The following HDAC4 variants were observed in gnomAD, a reference collection of about 807,000 sequenced individuals.
HDAC4 encodes histone deacetylase A.
In HDAC4, 16 loss-of-function variants were observed where a neutral mutation model predicts 135.1. The observed-to-expected ratio is 0.12, with a 90% confidence interval of 0.08 to 0.18. HDAC4 has a LOEUF of 0.18. Among genes scored for constraint, HDAC4 ranks in the 10% least tolerant of loss-of-function variants. HDAC4 has a pLI of 1.00. For synonymous variants in HDAC4, 685 were observed against 653.4 expected (o/e 1.05, Z -0.74); for missense variants, 1,143 against 1,511.8 (o/e 0.76, Z 4.05).
intron 2 of HDAC4, among the ~76,000 whole-genome samples, chr2:239,311,311 T>A (rs1171740921): frequency 1.3e-5 from 2 of 152,066 alleles, no homozygotes; most frequent in Admixed American, 1.3e-4. Flanking sequence ...CACTGAGATG[T>A]GTGGCACAAG....
intron 2 of HDAC4, among the ~76,000 whole-genome samples, chr2:239,269,464 C>T (rs1191943586): frequency 6.6e-6 from 1 of 152,332 alleles, no homozygotes; most frequent in Non-Finnish European, 1.5e-5. Context: ...GCAGGTGTCA[C>T]CTCAACACCT....
chr2:239,053,670 G>GA (rs2031264219), intron 25 of HDAC4, 69 bp from the exon 26 acceptor site: 2 of 1,387,212 alleles, frequency 1.4e-6, no homozygotes, highest in African/African-American at 2.8e-5. Context: ...GGCCCGGGAA[G>GA]GTCCTGCGGG....
rs913951819 is a variant in HDAC4, at chr2:239,309,103, C to G, written c.22+43575G>C. Reference sequence around the variant, plus strand: ...GTGCTTTACCTTCAGCCCAGACTTTCGCTTAATCCCGGAAACTGCTCCAAA... The same window carrying G: ...GTGCTTTACCTTCAGCCCAGACTTTGGCTTAATCCCGGAAACTGCTCCAAA... On this transcript the variant is annotated intron_variant, in intron 2 of 26. Coordinates refer to ENST00000543185, the MANE Select transcript of HDAC4 (RefSeq NM_001378414.1). This position sits in a 1 kb window ranked among gnomAD's most constrained non-coding sequence, Gnocchi z 4.2. 1.3e-5 allele frequency: 2 copies of G among 152,178 alleles called. No homozygotes were observed. Among genetic ancestry groups the G allele is most frequent in the African/African-American group, 2.4e-5 (1 of 41,430 alleles). The allele number at this position is 152,178 out of a possible 1,614,324, so 9.4% of individuals were successfully genotyped here.
chr2:239,111,615 C>T lies in HDAC4; in HGVS notation c.1889G>A (p.Arg630Lys). Residue 630 changes from arginine (R) to lysine (K), a missense_variant, in exon 14 of 27, where the codon AGG (arginine) becomes AAG (lysine). This residue lies in a region of HDAC4 where 196 missense variants were observed against 210.7 expected (regional missense o/e 0.93). Coordinates refer to ENST00000543185, the MANE Select transcript of HDAC4 (RefSeq NM_001378414.1). ...TGAGGACTGCGCCCGGGACAGAGGC[C>T]TGTGGCCGCCGAAGGACACGGGGAT... Reference protein sequence around the residue: ...AGIPVSFGGHRPLSRAQSSPA... With the variant: ...AGIPVSFGGHKPLSRAQSSPA... 1 of 1,610,528 alleles carries T rather than the reference C, an allele frequency of 6.2e-7. No individual in the cohort carries two copies. The highest frequency in any genetic ancestry group is 8.5e-7 in the Non-Finnish European group (1 of 1,179,096).
rs1173021800 is a variant in HDAC4, at chr2:239,281,061, C to T, written c.23-44397G>A. Reference sequence around the variant, plus strand: ...ATACCACTCTACAATGTACACACCACTCTTAATGTACACACGACTCTCAAT... The same window carrying T: ...ATACCACTCTACAATGTACACACCATTCTTAATGTACACACGACTCTCAAT... On this transcript the variant is annotated intron_variant, in intron 2 of 26. Transcript: ENST00000543185. Among the ~76,000 whole-genome samples, 6 of 133,890 alleles carry T rather than the reference C, an allele frequency of 4.5e-5. 1 individual carries two copies. The highest frequency in any genetic ancestry group is 9.9e-5 in the Non-Finnish European group (6 of 60,858). 87.8% of individuals were successfully genotyped at this position (133,890 alleles called of 152,430 possible).
chr2:239,355,924 A>G (rs1309645158), intron 1 of HDAC4, among the ~76,000 whole-genome samples: 1 of 152,264 alleles, frequency 6.6e-6, no homozygotes, highest in Admixed American at 6.5e-5. Context: ...TGACAGCTAG[A>G]AACGGATTCT....
rs114667864 is a variant in HDAC4, at chr2:239,308,681, C to G, written c.22+43997G>C. 0.014 allele frequency among the ~76,000 whole-genome samples: 2,142 copies of G among 152,268 alleles called. 23 individuals carry two copies. The highest frequency in any genetic ancestry group is 0.044 in the Middle Eastern group (13 of 294). On this transcript the variant is annotated intron_variant, in intron 2 of 26. Transcript: ENST00000543185. The surrounding 1 kb of genome is among the most constrained non-coding windows in gnomAD (Gnocchi z 4.2). ...GTTAACAGGCCTCCGGGTGTCCCCC[C>G]CTTCCAGCCCAGTGCAGGGGTTCAG...
At chr2:239,070,325 C>T (rs1231160990) in intron 22 of HDAC4, among the ~76,000 whole-genome samples, 2 of 152,190 alleles carry the variant, frequency 1.3e-5, no homozygotes, top group African/African-American at 4.8e-5. Flanking sequence ...CTGGAAAAGA[C>T]AGAACCACTG....
chr2:239,304,536 T>A (rs1228135310), intron 2 of HDAC4, among the ~76,000 whole-genome samples: 1 of 152,214 alleles, frequency 6.6e-6, no homozygotes, highest in Non-Finnish European at 1.5e-5. Flanking sequence ...CAAAGTGAGT[T>A]GCTTATGCCT....
At chr2:239,123,927 A>G (rs2152839741) in intron 12 of HDAC4, among the ~76,000 whole-genome samples, 1 of 152,054 alleles carries the variant, frequency 6.6e-6, no homozygotes, top group African/African-American at 2.4e-5. Flanking sequence ...TTTCACCCTC[A>G]GGAAAACCAC....
At chr2:239,328,207 T>C (rs544694056) in intron 2 of HDAC4, among the ~76,000 whole-genome samples, 204 of 152,362 alleles carry the variant, frequency 1.3e-3, no homozygotes, top group African/African-American at 4.6e-3. Flanking sequence ...GCCCTGGCGC[T>C]GGCCCAAGTG....
chr2:239,144,519 G>A (rs1404313837), intron 8 of HDAC4, 64 bp downstream of exon 8: 3 of 1,604,780 alleles, frequency 1.9e-6, no homozygotes, highest in African/African-American at 1.3e-5. Flanking sequence ...GAGAGAAATC[G>A]CCTATGGCAG....
intron 2 of HDAC4, among the ~76,000 whole-genome samples, chr2:239,322,100 T>C (rs532321214): frequency 9.2e-5 from 14 of 152,348 alleles, no homozygotes; most frequent in African/African-American, 3.4e-4. Context: ...GGTTACACCC[T>C]ATGTAAATGA....
chr2:239,310,743 G>A (rs1341547814), intron 2 of HDAC4, among the ~76,000 whole-genome samples: 1 of 152,192 alleles, frequency 6.6e-6, no homozygotes, highest in Admixed American at 6.5e-5. Flanking sequence ...CCAAAACTGG[G>A]TCTGGGAGCA....
At chr2:239,344,118 C>T (rs557354995) in intron 2 of HDAC4, among the ~76,000 whole-genome samples, 87 of 152,300 alleles carry the variant, frequency 5.7e-4, no homozygotes, top group African/African-American at 2.0e-3. Flanking sequence ...TAGCTCCCGC[C>T]TCACACAGCC....
At position 239,115,006 on chromosome 2, in the gene HDAC4, G is replaced by A. The variant is rs1332960414; in HGVS notation, c.1791+47C>T. 3.1e-6 allele frequency: 5 copies of A among 1,600,936 alleles called. No individual in the cohort carries two copies. The Admixed American group carries it at 5.0e-5, about 16-fold the overall frequency. Reference sequence around the variant, plus strand: ...AGAAGATGCCACCTGGGGACCGAGGGTGGCTGTGCGTGCCAGCCTTCTGGT... The same window carrying A: ...AGAAGATGCCACCTGGGGACCGAGGATGGCTGTGCGTGCCAGCCTTCTGGT... On this transcript the variant is annotated intron_variant, in intron 13 of 26. Transcript: ENST00000543185. The surrounding 1 kb of genome is among the most constrained non-coding windows in gnomAD (Gnocchi z 6.3).
At chr2:239,325,396 A>G (rs1033612001) in intron 2 of HDAC4, among the ~76,000 whole-genome samples, 1 of 152,236 alleles carries the variant, frequency 6.6e-6, no homozygotes, top group African/African-American at 2.4e-5. Context: ...ACCCAATTCA[A>G]ATATGGGCAA....
intron 24 of HDAC4, among the ~76,000 whole-genome samples, chr2:239,062,410 G>C (rs1309422185): frequency 6.6e-6 from 1 of 152,242 alleles, no homozygotes; most frequent in African/African-American, 2.4e-5. Context: ...AAAGGCTGCC[G>C]GGCAGAGGGG....
intron 2 of HDAC4, among the ~76,000 whole-genome samples, chr2:239,338,990 C>T (rs1692121595): frequency 6.6e-6 from 1 of 152,172 alleles, no homozygotes; most frequent in Non-Finnish European, 1.5e-5. Context: ...ACTGTGAAGG[C>T]AGAGGTCATC....
Sources: allele counts gnomAD v4.1 joint callset (sites outside exome capture counted in the v4.1 genomes callset), GRCh38; gene constraint gnomAD v4.1.1; regional missense constraint gnomAD v4.1.1; non-coding constraint Gnocchi (gnomAD v3.1); transcripts MANE v1.5; gene names NCBI Gene and HGNC (gene_info 2026-07-23, HGNC 2026-07-21).